The following EEFSEC variants were observed in gnomAD, a reference collection of about 807,000 sequenced individuals.
EEFSEC encodes selenocysteine-specific elongation factor.
EEFSEC carries 43 observed loss-of-function variants against 42.1 expected under a neutral mutation model. That is an observed-to-expected ratio of 1.02 (90% CI 0.80 to 1.32). EEFSEC has a LOEUF of 1.32. Among genes scored for constraint, EEFSEC ranks in the 40% most tolerant of loss-of-function variants. The probability of loss-of-function intolerance (pLI) is 0.00; values close to 1 mark genes in which losing one functional copy is unlikely to be tolerated. For missense variants in EEFSEC, 745 were observed against 803.6 expected (o/e 0.93, Z 0.88); for synonymous variants, 354 against 339.1 (o/e 1.04, Z -0.48).
the EEFSEC span, among the ~76,000 whole-genome samples, chr3:128,414,580 T>C: frequency 6.6e-6 from 1 of 152,048 alleles, no homozygotes; most frequent in Non-Finnish European, 1.5e-5. Flanking sequence ...CAAGAAAGAC[T>C]CTCCCAAGCC....
At chr3:128,178,125 C>T (rs796143509) in intron 1 of EEFSEC, among the ~76,000 whole-genome samples, 10 of 152,148 alleles carry the variant, frequency 6.6e-5, no homozygotes, top group East Asian at 1.9e-4. Flanking sequence ...AGTTCAGAGT[C>T]GAGTTATGTG....
At chr3:128,300,271 A>G (rs1212088603) in intron 4 of EEFSEC, among the ~76,000 whole-genome samples, 3 of 152,180 alleles carry the variant, frequency 2.0e-5, no homozygotes, top group Admixed American at 6.5e-5. Flanking sequence ...CTGGCCTTTT[A>G]TCTCATTCTT....
chr3:128,192,152 A>G (rs1339389703), intron 1 of EEFSEC, among the ~76,000 whole-genome samples: 2 of 152,208 alleles, frequency 1.3e-5, no homozygotes, highest in Non-Finnish European at 2.9e-5. Context: ...TGGCTGGTGC[A>G]GTGTGCAAAT....
chr3:128,341,813 A>G lies in EEFSEC; in HGVS notation c.1367A>G (p.Asp456Gly), dbSNP rs1484163422. 8 of 1,614,042 alleles carry G rather than the reference A, an allele frequency of 5.0e-6. No individual in the cohort carries two copies. Among genetic ancestry groups the G allele is most frequent in the Non-Finnish European group, 6.8e-6 (8 of 1,180,042 alleles). Reference protein sequence around the residue: ...FHGILLHGLEDRNYADSFLPR... With the variant: ...FHGILLHGLEGRNYADSFLPR... ...GGCATCCTGCTCCACGGGCTAGAGG[A>G]CAGGAACTACGCCGACAGCTTCCTG... The change falls in exon 5 of 7, where the codon GAC becomes GGC. Residue 456 changes from aspartate (D) to glycine (G), a missense_variant. Physicochemically the swap from Asp to Gly is moderately conservative, Grantham distance 94. Coordinates refer to ENST00000254730, the MANE Select transcript of EEFSEC (RefSeq NM_021937.5).
At chr3:128,296,219 G>A (rs2066704653) in intron 4 of EEFSEC, among the ~76,000 whole-genome samples, 1 of 152,132 alleles carries the variant, frequency 6.6e-6, no homozygotes, top group African/African-American at 2.4e-5. Context: ...CTCTTCTCTT[G>A]GAAAACGTAA....
At chr3:128,216,561 C>T (rs1553743528) in intron 1 of EEFSEC, among the ~76,000 whole-genome samples, 1 of 152,236 alleles carries the variant, frequency 6.6e-6, no homozygotes, top group Non-Finnish European at 1.5e-5. Flanking sequence ...TGCCCACCCA[C>T]CTGCCCCTCT....
intron 6 of EEFSEC, among the ~76,000 whole-genome samples, chr3:128,383,558 C>T (rs761867312): frequency 2.0e-5 from 3 of 152,126 alleles, no homozygotes; most frequent in Non-Finnish European, 2.9e-5. Flanking sequence ...GGACTAGGGT[C>T]GGGATCTTGG....
At chr3:128,170,499 TAA>T (rs78919650) in intron 1 of EEFSEC, among the ~76,000 whole-genome samples, 2 of 140,194 alleles carry the variant, frequency 1.4e-5, no homozygotes. Context: ...AGACCACGTC[TAA>T]AAAAAAAAAA....
chr3:128,388,578 A>G (rs1483888607), intron 6 of EEFSEC, among the ~76,000 whole-genome samples: 1 of 152,206 alleles, frequency 6.6e-6, no homozygotes, highest in Non-Finnish European at 1.5e-5. Context: ...CCAGTGAGGG[A>G]CTGGCCTGGC....
At chr3:128,161,242 A>C (rs1255358120) in intron 1 of EEFSEC, among the ~76,000 whole-genome samples, 1 of 152,188 alleles carries the variant, frequency 6.6e-6, no homozygotes, top group Non-Finnish European at 1.5e-5. Flanking sequence ...TTACAACTTC[A>C]AAAAGATTCA....
intron 2 of EEFSEC, among the ~76,000 whole-genome samples, chr3:128,259,121 AG>A (rs1405844886): frequency 6.6e-6 from 1 of 152,208 alleles, no homozygotes. Context: ...GAAAGCTTCT[AG>A]CACAATTGCT....
intron 1 of EEFSEC, among the ~76,000 whole-genome samples, chr3:128,228,149 C>T (rs770939996): frequency 2.8e-4 from 43 of 152,188 alleles, no homozygotes; most frequent in Non-Finnish European, 3.4e-4. Context: ...ATTTGTTGAG[C>T]ACCTATTCTC....
the EEFSEC span, among the ~76,000 whole-genome samples, chr3:128,422,234 G>T: frequency 2.0e-5 from 3 of 152,212 alleles, no homozygotes; most frequent in Admixed American, 1.3e-4. Flanking sequence ...AACAGGGCAG[G>T]ACTGTCACCT....
intron 4 of EEFSEC, among the ~76,000 whole-genome samples, chr3:128,286,313 C>T (rs527426839): frequency 6.6e-6 from 1 of 152,308 alleles, no homozygotes; most frequent in African/African-American, 2.4e-5. Flanking sequence ...CTGGAGTCTC[C>T]TTGCACACAG....
At position 128,264,742 on chromosome 3, in the gene EEFSEC, C is replaced by T. The variant is rs752722886; in HGVS notation, c.747C>T (p.Ser249=). Reference sequence around the variant, plus strand: ...TGACAGGGACCATCCTTTCAGGCTCCATCAGCCTCGGTGACAGTGTGGAGA... The same window carrying T: ...TGACAGGGACCATCCTTTCAGGCTCTATCAGCCTCGGTGACAGTGTGGAGA... ...TVMTGTILSG[S]ISLGDSVEIP... Residue 249 remains serine, a synonymous_variant, in exon 4 of 7, where the codon TCC becomes TCT. Transcript: ENST00000254730. 8.7e-6 allele frequency: 14 copies of T among 1,614,020 alleles called. No homozygotes were observed. The South Asian group carries it at 1.3e-4, about 15-fold the overall frequency.
rs2066408513 is a variant in EEFSEC at position 128,271,136 on chromosome 3, C to T, written c.786+6355C>T. On this transcript the variant is annotated intron_variant, in intron 4 of 6. Coordinates refer to ENST00000254730, the MANE Select transcript of EEFSEC (RefSeq NM_021937.5). The stretch of plus-strand genomic sequence containing the variant: ...GTCACTGCCACCCTGGGGCCATTTA[C>T]AGAAACCCAGAGCTGGGCAGCCCCC... Among the ~76,000 whole-genome samples, 4 of 152,218 alleles carry T rather than the reference C, an allele frequency of 2.6e-5. 1 individual carries two copies. The South Asian group carries it at 8.3e-4, about 32-fold the overall frequency.
intron 6 of EEFSEC, among the ~76,000 whole-genome samples, chr3:128,382,896 C>T (rs980185012): frequency 1.3e-5 from 2 of 152,212 alleles, no homozygotes; most frequent in East Asian, 1.9e-4. Flanking sequence ...GAAATTCAAC[C>T]CAGCTCATTT....
At chr3:128,414,016 T>C in the EEFSEC span, among the ~76,000 whole-genome samples, 1 of 152,210 alleles carries the variant, frequency 6.6e-6, no homozygotes, top group Non-Finnish European at 1.5e-5. Context: ...AGCCGCTTGG[T>C]CCTCCAGCTC....
chr3:128,187,312 A>T (rs1259353776), intron 1 of EEFSEC, among the ~76,000 whole-genome samples: 1 of 152,184 alleles, frequency 6.6e-6, no homozygotes, highest in East Asian at 1.9e-4. Flanking sequence ...AAAGAGAGGC[A>T]GGGACACTAG....
Sources: allele counts gnomAD v4.1 joint callset (sites outside exome capture counted in the v4.1 genomes callset), GRCh38; gene constraint gnomAD v4.1.1; transcripts MANE v1.5; gene names NCBI Gene and HGNC (gene_info 2026-07-23, HGNC 2026-07-21).